Variants in BCAS3 observed in about 807,000 individuals in gnomAD.
BCAS3 encodes BCAS3 microtubule associated cell migration factor.
Under a neutral mutation model 116.1 loss-of-function variants are expected in BCAS3, and 53 were observed. The ratio of observed to expected loss-of-function variants is 0.46; its 90% CI spans 0.37 to 0.57. The LOEUF is 0.57. Ranked by LOEUF, BCAS3 falls within the 20% of genes least tolerant of loss-of-function variation. BCAS3 has a pLI of 0.00. For synonymous variants in BCAS3, 391 were observed against 408.2 expected (o/e 0.96, Z 0.51); for missense variants, 917 against 1,165.4 (o/e 0.79, Z 3.10).
In BCAS3 at chr17:61,324,616, C is replaced by T. The variant is rs1011858672; in HGVS notation, c.2426-43711C>T. On this transcript the variant is annotated intron_variant, in intron 22 of 23. Transcript: ENST00000407086. This position sits in a 1 kb window ranked among gnomAD's most constrained non-coding sequence, Gnocchi z 4.6. ...GTAAAGTAAGGGCTGGGCCTGGGGT[C>T]AGCAGCCTGGCGTCCAGCCCTGCCA... Among the ~76,000 whole-genome samples, 10 of 152,140 alleles carry T rather than the reference C, an allele frequency of 6.6e-5. No homozygotes were observed. The highest frequency in any genetic ancestry group is 1.2e-4 in the Non-Finnish European group (8 of 68,030).
At chr17:61,177,658 T>C (rs2079222971) in intron 22 of BCAS3, among the ~76,000 whole-genome samples, 1 of 152,246 alleles carries the variant, frequency 6.6e-6, no homozygotes, top group Non-Finnish European at 1.5e-5. Flanking sequence ...TGTATACATA[T>C]GTTAAAACTT....
rs183516030 is a variant in BCAS3 at position 61,080,066 on chromosome 17, C to G, written c.2327+1537C>G. 1.4e-3 allele frequency among the ~76,000 whole-genome samples: 211 copies of G among 149,968 alleles called. 1 individual carries two copies. The highest frequency in any genetic ancestry group is 4.4e-3 in the African/African-American group (180 of 40,764). On this transcript the variant is annotated intron_variant, in intron 21 of 23. Transcript: ENST00000407086. ...ATTACAGGTATGTGGCACCACGCCT[C>G]CCTAGTTTTTGTGTTTTTAGTAGAG...
intron 6 of BCAS3, among the ~76,000 whole-genome samples, chr17:60,776,153 C>T (rs1222940361): frequency 1.3e-5 from 2 of 152,054 alleles, no homozygotes; most frequent in African/African-American, 2.4e-5. Flanking sequence ...TGTATAAAGT[C>T]GTGCTTCACA....
At chr17:60,683,833 A>C in intron 2 of BCAS3, 149 bp from the exon 3 acceptor site, 2 of 684,116 alleles carry the variant, frequency 2.9e-6, no homozygotes, top group South Asian at 4.1e-5. Context: ...CCTTGTCTCA[A>C]AACAAAACAA....
rs561838992 is a variant in BCAS3, at chr17:61,337,889, A to G, written c.2426-30438A>G. On this transcript the variant is annotated intron_variant, in intron 22 of 23. Coordinates refer to ENST00000407086, the MANE Select transcript of BCAS3 (RefSeq NM_017679.5). The surrounding 1 kb of genome is among the most constrained non-coding windows in gnomAD (Gnocchi z 4.8). Reference sequence around the variant, plus strand: ...AAGGAAGATAGTTCTATCCCATTTTATAGTTGAGGAAACCAAGGCTCGGTG... The same window carrying G: ...AAGGAAGATAGTTCTATCCCATTTTGTAGTTGAGGAAACCAAGGCTCGGTG... Among the ~76,000 whole-genome samples, 2 of 152,240 alleles carry G rather than the reference A, an allele frequency of 1.3e-5. No individual in the cohort carries two copies. Among genetic ancestry groups the G allele is most frequent in the African/African-American group, 2.4e-5 (1 of 41,532 alleles).
intron 15 of BCAS3, among the ~76,000 whole-genome samples, chr17:60,997,470 T>C (rs1274957951): frequency 6.6e-6 from 1 of 152,110 alleles, no homozygotes; most frequent in Non-Finnish European, 1.5e-5. Context: ...TCTTTTATCA[T>C]AAGGAAATGG....
chr17:60,902,039 T>C (rs2057930446), intron 10 of BCAS3, among the ~76,000 whole-genome samples: 1 of 152,246 alleles, frequency 6.6e-6, no homozygotes, highest in Non-Finnish European at 1.5e-5. Flanking sequence ...CAGTCACAAA[T>C]AAGGATATGT....
rs1227013898 is a variant in BCAS3 at position 61,126,776 on chromosome 17, T to C, written c.2425+42212T>C. ...CTGATTATTCTTGTAACCTTTAACATGAACTGTGTCTAATTTTGGTCTCTC... is the reference window on the plus strand; with the variant it reads ...CTGATTATTCTTGTAACCTTTAACACGAACTGTGTCTAATTTTGGTCTCTC... On this transcript the variant is annotated intron_variant, in intron 22 of 23. Coordinates refer to ENST00000407086, the MANE Select transcript of BCAS3 (RefSeq NM_017679.5). The surrounding 1 kb of genome is among the most constrained non-coding windows in gnomAD (Gnocchi z 4.6). Among the ~76,000 whole-genome samples, 3 of 152,214 alleles carry C rather than the reference T, an allele frequency of 2.0e-5. No individual in the cohort carries two copies. Among genetic ancestry groups the C allele is most frequent in the Admixed American group, 6.5e-5 (1 of 15,276 alleles).
intron 7 of BCAS3, among the ~76,000 whole-genome samples, chr17:60,842,224 TA>T (rs2052012084): frequency 1.3e-5 from 2 of 152,224 alleles, no homozygotes; most frequent in African/African-American, 2.4e-5. Flanking sequence ...ATGATAGGTA[TA>T]TCCTACCACT....
chr17:61,222,022 T>C lies in BCAS3; in HGVS notation c.2425+137458T>C, dbSNP rs1331885337. Among the ~76,000 whole-genome samples, 2 of 152,204 alleles carry C rather than the reference T, an allele frequency of 1.3e-5. No individual in the cohort carries two copies. The highest frequency in any genetic ancestry group is 4.8e-5 in the African/African-American group (2 of 41,446). On this transcript the variant is annotated intron_variant, in intron 22 of 23. Transcript: ENST00000407086. The surrounding 1 kb of genome is among the most constrained non-coding windows in gnomAD (Gnocchi z 6.1). Reference sequence around the variant, plus strand: ...GTGACGTGCTTAACAGGGGCTGATATTACTATTACTATTAAGAATACATAC... The same window carrying C: ...GTGACGTGCTTAACAGGGGCTGATACTACTATTACTATTAAGAATACATAC...
chr17:60,684,911 G>A (rs536503395), intron 3 of BCAS3, among the ~76,000 whole-genome samples: 1 of 152,138 alleles, frequency 6.6e-6, no homozygotes, highest in Non-Finnish European at 1.5e-5. Context: ...GAAAAGCTGA[G>A]TGGGAAAAAA....
At chr17:60,692,967 A>T (rs1237427275) in intron 4 of BCAS3, among the ~76,000 whole-genome samples, 1 of 151,908 alleles carries the variant, frequency 6.6e-6, no homozygotes, top group Non-Finnish European at 1.5e-5. Context: ...CTTAGGAGAA[A>T]TCAGAAAAGA....
In BCAS3 at chr17:61,368,449, G is replaced by A; in HGVS notation, c.2548G>A (p.Ala850Thr). The A allele has an allele frequency of 4.3e-6, 7 of 1,611,986 alleles. No individual in the cohort carries two copies. Among genetic ancestry groups the A allele is most frequent in the Non-Finnish European group, 5.9e-6 (7 of 1,178,226 alleles). ...GGGCCTCCGGGAGCGACTTGCCGAC[G>A]CCATGGCCGAGTCACCTAGCCGGGA... The part of the protein sequence containing the change: ...EEGLRERLAD[A>T]MAESPSRDVV... The change falls in exon 23 of 24, where the codon GCC becomes ACC. Residue 850 changes from alanine to threonine, a missense_variant. Transcript: ENST00000407086. This position sits in a 1 kb window ranked among gnomAD's most constrained non-coding sequence, Gnocchi z 6.0.
rs369119062 is a variant in BCAS3, at chr17:61,078,355, G to A, written c.2153G>A (p.Gly718Glu). ...LSQVEIVTHT[G>E]PHRRLWMGPQ... is the part of the protein sequence containing the mutation. ...CAGGTTGAAATTGTAACACACACTG[G>A]ACCCCATAGACGTCTGTGGATGGGT... is the stretch of plus-strand genomic sequence containing the variant. Residue 718 changes from glycine (G) to glutamate (E), a missense_variant, in exon 21 of 24, where the codon GGA becomes GAA. Gly to Glu is a moderately conservative substitution (Grantham distance 98). This residue lies in a region of BCAS3 where 807 missense variants were observed against 1,026.0 expected (regional missense o/e 0.79). Transcript: ENST00000407086. 1 of 1,613,490 alleles carries A rather than the reference G, an allele frequency of 6.2e-7. No homozygotes were observed. The highest frequency in any genetic ancestry group is 1.3e-5 in the African/African-American group (1 of 74,850).
Position 60,873,980 on chromosome 17 carries a change from G to A in BCAS3, c.585-682G>A, listed in dbSNP as rs561200755. 5.5e-5 allele frequency among the ~76,000 whole-genome samples: 8 copies of A among 145,080 alleles called. No homozygotes were observed. The South Asian group carries it at 1.8e-3, about 32-fold the overall frequency. On this transcript the variant is annotated intron_variant, in intron 8 of 23. Transcript: ENST00000407086. ...CAGCCTCTTGAGTAGCTGGGATTAC[G>A]GGTGTGCAACACTGTGCTGGGCTTG...
At chr17:60,916,956 C>T (rs2058810446) in intron 12 of BCAS3, among the ~76,000 whole-genome samples, 1 of 152,118 alleles carries the variant, frequency 6.6e-6, no homozygotes, top group Non-Finnish European at 1.5e-5. Context: ...ACCCTTCTAA[C>T]CTGCTAGTCA....
At position 61,118,279 on chromosome 17, in the gene BCAS3, C is replaced by T. The variant is rs2075595340; in HGVS notation, c.2425+33715C>T. On this transcript the variant is annotated intron_variant, in intron 22 of 23. Transcript: ENST00000407086. The surrounding 1 kb of genome is among the most constrained non-coding windows in gnomAD (Gnocchi z 5.0). ...GTTACTACTTGGGAGAGATGGAAGTCCCGGCTCCCAACGTAGTCTCCAATG... is the reference window on the plus strand; with the variant it reads ...GTTACTACTTGGGAGAGATGGAAGTTCCGGCTCCCAACGTAGTCTCCAATG... Among the ~76,000 whole-genome samples the T allele has an allele frequency of 6.6e-6, 1 of 152,144 alleles. No individual in the cohort carries two copies. Among genetic ancestry groups the T allele is most frequent in the South Asian group, 2.1e-4 (1 of 4,830 alleles).
intron 14 of BCAS3, among the ~76,000 whole-genome samples, chr17:60,988,338 CTTTTTTTT>C (rs71148317): frequency 1.5e-5 from 1 of 66,762 alleles, no homozygotes; most frequent in African/African-American, 5.1e-5. Flanking sequence ...TTTTCTTTTT[CTTTTTTTT>C]TTTTTTTTTT....
In BCAS3 at chr17:61,199,282, G is replaced by A. The variant is rs149272557; in HGVS notation, c.2425+114718G>A. On this transcript the variant is annotated intron_variant, in intron 22 of 23. Transcript: ENST00000407086. The surrounding 1 kb of genome is among the most constrained non-coding windows in gnomAD (Gnocchi z 4.6). ...CTGTTCTGTTGTGTAGAATGTATAT[G>A]CTGCCAGCCAGCCTTACTCTTTCCT... Among the ~76,000 whole-genome samples, 469 of 152,256 alleles carry A rather than the reference G, an allele frequency of 3.1e-3. No individual in the cohort carries two copies. Among genetic ancestry groups the A allele is most frequent in the African/African-American group, 0.01 (429 of 41,542 alleles).
Sources: gnomAD v4.1 joint callset for allele counts (sites outside exome capture counted in the v4.1 genomes callset) on GRCh38, gnomAD v4.1.1 for gene constraint, gnomAD v4.1.1 regional missense constraint, Gnocchi (gnomAD v3.1) non-coding constraint, MANE v1.5 for transcripts, NCBI Gene and HGNC (gene_info 2026-07-23, HGNC 2026-07-21) for gene names.